The following VWC2 variants were observed in gnomAD, a reference collection of about 807,000 sequenced individuals.
VWC2 encodes the protein von Willebrand factor C domain containing 2, also known as brorin.
In VWC2, 14 loss-of-function variants were observed where a neutral mutation model predicts 29.8. That is an observed-to-expected ratio of 0.47 (90% CI 0.31 to 0.74). VWC2 has a LOEUF of 0.74. Ranked by LOEUF, VWC2 falls within the 30% of genes least tolerant of loss-of-function variation. The pLI, the probability that VWC2 is intolerant of heterozygous loss-of-function variation, is 0.05. For missense variants in VWC2, 457 were observed against 459.8 expected, an observed-to-expected ratio of 0.99 and a Z score of 0.05; for synonymous variants, 213 against 199.0, an observed-to-expected ratio of 1.07 and a Z score of -0.59.
At chr7:49,866,334 G>C (rs771947779) in intron 3 of VWC2, among the ~76,000 whole-genome samples, 11 of 152,138 alleles carry the variant, frequency 7.2e-5, no homozygotes, top group Non-Finnish European at 1.0e-4. Flanking sequence ...GTCCTGACTG[G>C]CGTTCTTCCC....
chr7:49,871,946 CACACACACA>C, intron 3 of VWC2, among the ~76,000 whole-genome samples: 1 of 117,804 alleles, frequency 8.5e-6, no homozygotes, highest in African/African-American at 3.7e-5. Context: ...CACACACACA[CACACACACA>C]CACCGAGAAA....
In VWC2 at chr7:49,918,221, C is replaced by T. The variant is rs982716719; in HGVS notation, c.*6036C>T. 2 of 152,116 alleles carry T rather than the reference C, an allele frequency of 1.3e-5. No individual in the cohort carries two copies. The highest frequency in any genetic ancestry group is 4.8e-5 in the African/African-American group (2 of 41,416). The allele number at this position is 152,116 out of a possible 1,614,324, so 9.4% of individuals were successfully genotyped here. A position where few individuals can be genotyped will look rare whatever the true frequency, so the allele number is the denominator to read the frequency against. On this transcript the variant is annotated 3_prime_UTR_variant, in exon 4 of 4. Transcript: ENST00000340652. ...AGGCTCAGGGAAATTTAAAAACTGC[C>T]TTAAGATTCAGTCTAGTGAATGAGA...
At chr7:49,900,165 G>C (rs1249980494) in intron 3 of VWC2, among the ~76,000 whole-genome samples, 2 of 151,318 alleles carry the variant, frequency 1.3e-5, no homozygotes, top group African/African-American at 4.9e-5. Context: ...ATATGTGTGG[G>C]ATATAGTGAA....
rs1406604653 is a variant in VWC2, at chr7:49,920,968, T to A, written c.*8783T>A. 1 of 152,232 alleles carries A rather than the reference T, an allele frequency of 6.6e-6. No individual in the cohort carries two copies. The highest frequency in any genetic ancestry group is 6.5e-5 in the Admixed American group (1 of 15,276). 9.4% of individuals were successfully genotyped at this position (152,232 alleles called of 1,614,324 possible). ...GACAGTTTCTATAGACTGAGAATAA[T>A]GATATGCTTTTATAAATTATTTGGT... On this transcript the variant is annotated 3_prime_UTR_variant, in exon 4 of 4. Coordinates refer to ENST00000340652, the MANE Select transcript of VWC2 (RefSeq NM_198570.5).
chr7:49,891,607 T>C (rs1337293737), intron 3 of VWC2, among the ~76,000 whole-genome samples: 2 of 152,088 alleles, frequency 1.3e-5, no homozygotes, highest in Non-Finnish European at 2.9e-5. Flanking sequence ...CGATAAAATA[T>C]AACAATAAAA....
rs1281113327 is a variant in VWC2, at chr7:49,914,852, C to G, written c.*2667C>G. 6.6e-6 allele frequency: 1 copy of G among 152,078 alleles called. No homozygotes were observed. The highest frequency in any genetic ancestry group is 2.4e-5 in the African/African-American group (1 of 41,416). 9.4% of individuals were successfully genotyped at this position (152,078 alleles called of 1,614,324 possible). A position where few individuals can be genotyped will look rare whatever the true frequency, so the allele number is the denominator to read the frequency against. ...TTTGGAGATAGCACAGAAAAGGGGG[C>G]CTCAGAATTCAAGTATAGAAGTTCT... On this transcript the variant is annotated 3_prime_UTR_variant, in exon 4 of 4. Coordinates refer to ENST00000340652, the MANE Select transcript of VWC2 (RefSeq NM_198570.5).
chr7:49,837,816 A>C (rs567218165), intron 3 of VWC2, among the ~76,000 whole-genome samples: 3 of 152,330 alleles, frequency 2.0e-5, no homozygotes, highest in Admixed American at 2.0e-4. Context: ...TGCTGATAAT[A>C]AAAATAAAGA....
chr7:49,880,097 G>C (rs374271881), intron 3 of VWC2, among the ~76,000 whole-genome samples: 101 of 152,074 alleles, frequency 6.6e-4, no homozygotes, highest in Non-Finnish European at 1.3e-3. Context: ...AATAACTCCC[G>C]TTAGATTTTG....
chr7:49,913,334 A>C lies in VWC2; in HGVS notation c.*1149A>C, dbSNP rs1404280535. On this transcript the variant is annotated 3_prime_UTR_variant, in exon 4 of 4. Transcript: ENST00000340652. ...TTCTCTTCATTTGAACAGAGAACAT[A>C]AAAAGCCACTGCAAAGTCCTGCTAA... 1.3e-5 allele frequency: 2 copies of C among 152,230 alleles called. No individual in the cohort carries two copies. Among genetic ancestry groups the C allele is most frequent in the East Asian group, 3.8e-4 (2 of 5,206 alleles). The allele number at this position is 152,230 out of a possible 1,614,324, so 9.4% of individuals were successfully genotyped here.
In VWC2 at chr7:49,783,452, T is replaced by C. The variant is rs556639600; in HGVS notation, c.696+7321T>C. On this transcript the variant is annotated intron_variant, in intron 2 of 3. Coordinates refer to ENST00000340652, the MANE Select transcript of VWC2 (RefSeq NM_198570.5). ...GGAAAAGAAAAGAGTGTATCAAATG[T>C]AACAACTGTGAGTTTGCATGAAGGA... is the stretch of plus-strand genomic sequence containing the variant. 3.3e-5 allele frequency among the ~76,000 whole-genome samples: 5 copies of C among 152,296 alleles called. No homozygotes were observed. In the East Asian group the frequency reaches 9.6e-4, roughly 29 times the overall value.
intron 2 of VWC2, among the ~76,000 whole-genome samples, chr7:49,800,848 CAA>C (rs1167626390): frequency 0.015 from 926 of 63,210 alleles, 1 homozygote; most frequent in African/African-American, 0.036. Flanking sequence ...GTTATGGTAG[CAA>C]AAAAAAAAAA....
At chr7:49,858,107 C>A (rs896689268) in intron 3 of VWC2, among the ~76,000 whole-genome samples, 7 of 152,130 alleles carry the variant, frequency 4.6e-5, no homozygotes, top group Non-Finnish European at 1.0e-4. Context: ...GTTTACAGTC[C>A]CACCAACAGT....
intron 3 of VWC2, among the ~76,000 whole-genome samples, chr7:49,811,599 T>C (rs192132724): frequency 2.6e-5 from 4 of 152,184 alleles, no homozygotes; most frequent in Non-Finnish European, 5.9e-5. Flanking sequence ...TTTAGCAGTA[T>C]GAGAACAGTC....
chr7:49,897,519 G>T (rs1370140227), intron 3 of VWC2, among the ~76,000 whole-genome samples: 1 of 152,156 alleles, frequency 6.6e-6, no homozygotes, highest in Non-Finnish European at 1.5e-5. Context: ...TTTCCAGTCT[G>T]GCATGTAGAA....
In VWC2 at chr7:49,914,139, A is replaced by T. The variant is rs927834105; in HGVS notation, c.*1954A>T. Reference sequence around the variant, plus strand: ...AGTTATTTAAAGTTGTCGTTTTGCTAATAAATGGCCCTAGCCCCCATGGGT... The same window carrying T: ...AGTTATTTAAAGTTGTCGTTTTGCTTATAAATGGCCCTAGCCCCCATGGGT... On this transcript the variant is annotated 3_prime_UTR_variant, in exon 4 of 4. Transcript: ENST00000340652. 2 of 152,228 alleles carry T rather than the reference A, an allele frequency of 1.3e-5. No individual in the cohort carries two copies. The allele number at this position is 152,228 out of a possible 1,614,324, so 9.4% of individuals were successfully genotyped here.
intron 3 of VWC2, among the ~76,000 whole-genome samples, chr7:49,819,687 C>G (rs1789223372): frequency 6.6e-6 from 1 of 152,084 alleles, no homozygotes; most frequent in South Asian, 2.1e-4. Context: ...TAACAAGGAA[C>G]AGTAAATTTT....
chr7:49,846,225 C>T (rs757606753), intron 3 of VWC2, among the ~76,000 whole-genome samples: 5 of 152,152 alleles, frequency 3.3e-5, no homozygotes, highest in African/African-American at 4.8e-5. Context: ...TGCAAAGAGT[C>T]GCCCCCAAGA....
intron 3 of VWC2, among the ~76,000 whole-genome samples, chr7:49,814,691 C>T (rs1457861837): frequency 2.0e-5 from 3 of 152,152 alleles, no homozygotes; most frequent in African/African-American, 7.2e-5. Context: ...GACAAACTTC[C>T]CATGCCTTTG....
chr7:49,807,766 A>G (rs1788911533), intron 3 of VWC2, among the ~76,000 whole-genome samples: 1 of 152,204 alleles, frequency 6.6e-6, no homozygotes, highest in South Asian at 2.1e-4. Context: ...ATAATTTACA[A>G]ATTGAACTTT....
Sources: gnomAD v4.1 joint callset for allele counts (sites outside exome capture counted in the v4.1 genomes callset) on GRCh38, gnomAD v4.1.1 for gene constraint, MANE v1.5 for transcripts, NCBI Gene and HGNC (gene_info 2026-07-23, HGNC 2026-07-21) for gene names.